MAP3K20: variants seen among roughly 807,000 people sequenced by gnomAD.
The protein encoded by MAP3K20 is mitogen-activated protein kinase kinase kinase 20.
Under a neutral mutation model 85.7 loss-of-function variants are expected in MAP3K20, and 40 were observed. That is an observed-to-expected ratio of 0.47 (90% CI 0.36 to 0.61). The LOEUF (loss-of-function observed/expected upper bound fraction) is 0.61, where lower values mean the gene tolerates loss of function less well. Among genes scored for constraint, MAP3K20 ranks in the 20% least tolerant of loss-of-function variants. The pLI is 0.00. For missense variants in MAP3K20, 817 were observed against 961.7 expected (o/e 0.85, Z 1.99); for synonymous variants, 325 against 327.7 (o/e 0.99, Z 0.09).
intron 3 of MAP3K20, among the ~76,000 whole-genome samples, chr2:173,172,537 T>G (rs752123342): frequency 6.6e-6 from 1 of 152,144 alleles, no homozygotes; most frequent in Non-Finnish European, 1.5e-5. Context: ...CTCATGTGAA[T>G]GAAGGGACTA....
chr2:173,117,861 A>G (rs1052922539), intron 2 of MAP3K20, among the ~76,000 whole-genome samples: 7 of 152,220 alleles, frequency 4.6e-5, no homozygotes, highest in African/African-American at 1.2e-4. Flanking sequence ...TCATTCACTC[A>G]TGATGAATTC....
chr2:173,145,250 A>G (rs1689104778), intron 2 of MAP3K20, among the ~76,000 whole-genome samples: 1 of 152,126 alleles, frequency 6.6e-6, no homozygotes, highest in South Asian at 2.1e-4. Flanking sequence ...CCGTCTCAAA[A>G]AAAAAGAAAA....
At chr2:173,117,228 C>T (rs966727281) in intron 2 of MAP3K20, among the ~76,000 whole-genome samples, 1 of 152,086 alleles carries the variant, frequency 6.6e-6, no homozygotes, top group African/African-American at 2.4e-5. Flanking sequence ...TTAAGAATGC[C>T]TGAAGAGTTT....
intron 2 of MAP3K20, among the ~76,000 whole-genome samples, chr2:173,165,792 C>G (rs993056637): frequency 3.9e-5 from 6 of 152,208 alleles, no homozygotes; most frequent in African/African-American, 1.4e-4. Flanking sequence ...CTGCCTCAGC[C>G]TCCTGAGTAG....
chr2:173,197,983 T>A, intron 7 of MAP3K20, 43 bp from the exon 8 acceptor site: 1 of 1,576,550 alleles, frequency 6.3e-7, no homozygotes, highest in Non-Finnish European at 8.7e-7. Flanking sequence ...TACCAAAAAA[T>A]ATAAAGTACA....
chr2:173,164,980 A>G (rs1020247878), intron 2 of MAP3K20, among the ~76,000 whole-genome samples: 16 of 152,340 alleles, frequency 1.1e-4, no homozygotes, highest in African/African-American at 3.1e-4. Context: ...GAAAGGAGAA[A>G]GGAACTGGCC....
chr2:173,233,004 C>T (rs967279414), intron 14 of MAP3K20, among the ~76,000 whole-genome samples: 2 of 152,176 alleles, frequency 1.3e-5, no homozygotes, highest in African/African-American at 2.4e-5. Context: ...GTAGGACTCA[C>T]AGGGAGATAA....
chr2:173,205,009 A>T (rs1559277589), intron 9 of MAP3K20, among the ~76,000 whole-genome samples: 1 of 150,962 alleles, frequency 6.6e-6, no homozygotes, highest in Admixed American at 6.6e-5. Flanking sequence ...AGGCTGAGGC[A>T]GGAGAATGGC....
At chr2:173,079,439 A>T (rs1278534824) in intron 1 of MAP3K20, among the ~76,000 whole-genome samples, 2 of 152,168 alleles carry the variant, frequency 1.3e-5, no homozygotes, top group African/African-American at 4.8e-5. Context: ...AACACTGTAC[A>T]CTTAGGCTCT....
At chr2:173,168,269 A>T (rs1574074082) in intron 2 of MAP3K20, among the ~76,000 whole-genome samples, 1 of 152,122 alleles carries the variant, frequency 6.6e-6, no homozygotes, top group East Asian at 1.9e-4. Context: ...CTCTATACAC[A>T]CGAGGCACTC....
chr2:173,157,034 G>A (rs1203649560), intron 2 of MAP3K20, among the ~76,000 whole-genome samples: 1 of 152,200 alleles, frequency 6.6e-6, no homozygotes, highest in African/African-American at 2.4e-5. Flanking sequence ...ACCAACCCCT[G>A]TGCAGGTGAA....
chr2:173,239,534 C>T lies in MAP3K20; in HGVS notation c.1359+38C>T, dbSNP rs186705991. ...TTAAATCCTTTGGATAAATCTCAAT[C>T]GAACTACTCTTTTTTCTCTTCTGTA... On this transcript the variant is annotated intron_variant, in intron 16 of 19. Transcript: ENST00000375213. The T allele has an allele frequency of 3.2e-3, 5,049 of 1,575,604 alleles. 13 individuals carry two copies. Among genetic ancestry groups the T allele is most frequent in the Non-Finnish European group, 3.5e-3 (3,981 of 1,153,694 alleles).
At chr2:173,240,128 C>T (rs1165408932) in intron 16 of MAP3K20, among the ~76,000 whole-genome samples, 1 of 152,206 alleles carries the variant, frequency 6.6e-6, no homozygotes, top group Non-Finnish European at 1.5e-5. Context: ...AGTGTGAAAA[C>T]TACTTTCCCC....
chr2:173,090,220 T>G (rs1344187112), intron 1 of MAP3K20, among the ~76,000 whole-genome samples: 1 of 152,206 alleles, frequency 6.6e-6, no homozygotes, highest in Non-Finnish European at 1.5e-5. Context: ...CAATGGCCAC[T>G]TACCTGGAGA....
intron 1 of MAP3K20, among the ~76,000 whole-genome samples, chr2:173,089,674 C>T (rs748198467): frequency 4.6e-5 from 7 of 152,042 alleles, no homozygotes; most frequent in Non-Finnish European, 8.8e-5. Context: ...CCTCCACCTC[C>T]TGGGTTCAGG....
At chr2:173,077,695 A>G (rs1686905892) in intron 1 of MAP3K20, among the ~76,000 whole-genome samples, 1 of 152,266 alleles carries the variant, frequency 6.6e-6, no homozygotes, top group Non-Finnish European at 1.5e-5. Context: ...CCATGATGCA[A>G]TTGCAAGGAC....
At chr2:173,249,899 C>T (rs913576924) in intron 16 of MAP3K20, among the ~76,000 whole-genome samples, 1 of 152,126 alleles carries the variant, frequency 6.6e-6, no homozygotes, top group Non-Finnish European at 1.5e-5. Context: ...ATTTGTTTCA[C>T]TTTATTTTAA....
intron 2 of MAP3K20, among the ~76,000 whole-genome samples, chr2:173,138,753 CAA>C (rs1341911443): frequency 1.3e-5 from 2 of 152,138 alleles, no homozygotes; most frequent in Non-Finnish European, 2.9e-5. Flanking sequence ...ATGCTTGTGA[CAA>C]GAGAGAAGGT....
At chr2:173,264,380 C>G (rs1226008462) in intron 19 of MAP3K20, among the ~76,000 whole-genome samples, 1 of 152,162 alleles carries the variant, frequency 6.6e-6, no homozygotes, top group Non-Finnish European at 1.5e-5. Context: ...CTGCCATGCT[C>G]AATAGGCTGC....
Sources: allele counts gnomAD v4.1 joint callset (sites outside exome capture counted in the v4.1 genomes callset), GRCh38; gene constraint gnomAD v4.1.1; transcripts MANE v1.5; gene names NCBI Gene and HGNC (gene_info 2026-07-23, HGNC 2026-07-21).